The following C2orf49 variants were observed in gnomAD, a reference collection of about 807,000 sequenced individuals.
The protein encoded by C2orf49 is tRNA-splicing ligase complex subunit ASW.
In C2orf49, 11 loss-of-function variants were observed where a neutral mutation model predicts 20.6. The ratio of observed to expected loss-of-function variants is 0.53; its 90% CI spans 0.34 to 0.88. C2orf49 has a LOEUF of 0.88. C2orf49 is among the 40% of genes least tolerant of loss of function. The pLI, the probability that C2orf49 is intolerant of heterozygous loss-of-function variation, is 0.02. For synonymous variants in C2orf49, 134 were observed against 108.5 expected (o/e 1.24, Z -1.46); for missense variants, 289 against 274.2 (o/e 1.05, Z -0.38).
At chr2:105,365,646 C>A in the C2orf49 span, among the ~76,000 whole-genome samples, 1 of 150,490 alleles carries the variant, frequency 6.6e-6, no homozygotes, top group South Asian at 2.1e-4. Context: ...ACCAGTCTGG[C>A]CAACAAAGTG....
At chr2:105,368,334 G>T in the C2orf49 span, among the ~76,000 whole-genome samples, 1 of 151,610 alleles carries the variant, frequency 6.6e-6, no homozygotes, top group African/African-American at 2.4e-5. Flanking sequence ...CCTACATGTA[G>T]TTTTTTTTTG....
At position 105,339,687 on chromosome 2, in the gene C2orf49, T is replaced by C; in HGVS notation, c.204T>C (p.Asn68=). 1.2e-6 allele frequency: 2 copies of C among 1,608,088 alleles called. No homozygotes were observed. Among genetic ancestry groups the C allele is most frequent in the Non-Finnish European group, 8.5e-7 (1 of 1,178,854 alleles). Residue 68 remains asparagine, a synonymous_variant, in exon 2 of 4, where the codon AAT becomes AAC. Transcript: ENST00000258457. ...TGCCTCAGAGGGATTTGCCGAAGAA[T>C]AGATGGGGGAAAATGATGGAAAAGA... ...IPLPQRDLPK[N]RWGKMMEKKR...
the C2orf49 span, among the ~76,000 whole-genome samples, chr2:105,381,831 C>T: frequency 3.3e-5 from 5 of 152,070 alleles, no homozygotes; most frequent in Non-Finnish European, 7.4e-5. Flanking sequence ...AAAAAAGCAC[C>T]AGGTTGGCAG....
At chr2:105,366,002 C>G in the C2orf49 span, among the ~76,000 whole-genome samples, 1 of 151,756 alleles carries the variant, frequency 6.6e-6, no homozygotes, top group Non-Finnish European at 1.5e-5. Flanking sequence ...GTCAGGAGTT[C>G]CGAGATCAGC....
At chr2:105,371,721 T>A in the C2orf49 span, among the ~76,000 whole-genome samples, 1 of 152,184 alleles carries the variant, frequency 6.6e-6, no homozygotes, top group Non-Finnish European at 1.5e-5. Flanking sequence ...GTGCTAACAG[T>A]TAAAGTCTTT....
At chr2:105,377,394 G>T in the C2orf49 span, among the ~76,000 whole-genome samples, 2 of 152,190 alleles carry the variant, frequency 1.3e-5, no homozygotes, top group Non-Finnish European at 2.9e-5. Context: ...ACTTTGGGAG[G>T]CCGAGGCAGG....
At chr2:105,339,178 T>C (rs1216207106) in intron 1 of C2orf49, among the ~76,000 whole-genome samples, 1 of 152,266 alleles carries the variant, frequency 6.6e-6, no homozygotes, top group African/African-American at 2.4e-5. Context: ...CCCACTAATC[T>C]GATCATGATA....
At chr2:105,379,957 C>T in the C2orf49 span, among the ~76,000 whole-genome samples, 15 of 152,214 alleles carry the variant, frequency 9.9e-5, no homozygotes, top group Non-Finnish European at 1.8e-4. Context: ...AATTATGCCA[C>T]GGGGTTTCCC....
Position 105,348,842 on chromosome 2 carries a change from A to G in C2orf49, c.*3471A>G, listed in dbSNP as rs1226071373. ...TGATCTGTTTTTATTTGAGTGAACA[A>G]TTTTGGAAAGTATTCTTTATAGTAC... On this transcript the variant is annotated 3_prime_UTR_variant, in exon 4 of 4. Transcript: ENST00000258457. 2.6e-5 allele frequency: 4 copies of G among 152,180 alleles called. No individual in the cohort carries two copies. Among genetic ancestry groups the G allele is most frequent in the Admixed American group, 2.0e-4 (3 of 15,276 alleles). The allele number at this position is 152,180 out of a possible 1,614,324, so 9.4% of individuals were successfully genotyped here. A position where few individuals can be genotyped will look rare whatever the true frequency, so the allele number is the denominator to read the frequency against.
chr2:105,375,390 A>C, the C2orf49 span: 1 of 152,244 alleles, frequency 6.6e-6, no homozygotes, highest in Non-Finnish European at 1.5e-5. Flanking sequence ...GAATAGGATT[A>C]TTGCTGACGC....
At chr2:105,353,476 C>A (rs1679985092), downstream of C2orf49, among the ~76,000 whole-genome samples, 1 of 152,080 alleles carries the variant, frequency 6.6e-6, no homozygotes, top group Admixed American at 6.6e-5. Context: ...CTGGACATTT[C>A]CATCTCAGTG....
chr2:105,362,982 T>G, the C2orf49 span: 2 of 336,124 alleles, frequency 6.0e-6, no homozygotes, highest in Non-Finnish European at 1.1e-5. Flanking sequence ...TTTATTGTGC[T>G]TTTGTGATGT....
chr2:105,345,272 A>G (rs1372071771), intron 3 of C2orf49, 43 bp from the exon 4 acceptor site: 7 of 1,546,028 alleles, frequency 4.5e-6, no homozygotes, highest in Non-Finnish European at 6.2e-6. Flanking sequence ...TTGTTTTCTG[A>G]TATTTCTGCA....
At chr2:105,383,102 T>A in the C2orf49 span, among the ~76,000 whole-genome samples, 1,766 of 152,310 alleles carry the variant, frequency 0.012, 39 homozygotes, top group African/African-American at 0.041. Flanking sequence ...GCCAGGCTGG[T>A]CTCCAGCTCC....
intron 3 of C2orf49, among the ~76,000 whole-genome samples, chr2:105,344,532 T>C (rs530197248): frequency 6.6e-6 from 1 of 152,218 alleles, no homozygotes; most frequent in African/African-American, 2.4e-5. Flanking sequence ...GGCCCACATA[T>C]AAATCTTTTT....
At chr2:105,350,384 A>T (rs938697436), downstream of C2orf49, among the ~76,000 whole-genome samples, 5 of 152,268 alleles carry the variant, frequency 3.3e-5, no homozygotes, top group African/African-American at 1.2e-4. Flanking sequence ...GGCAGGAGCC[A>T]GATGATGTAT....
chr2:105,373,726 G>A, the C2orf49 span: 1 of 1,613,894 alleles, frequency 6.2e-7, no homozygotes, highest in Non-Finnish European at 8.5e-7. Context: ...GTCCTTGTAA[G>A]ACAAGTCCTG....
the C2orf49 span, among the ~76,000 whole-genome samples, chr2:105,380,717 C>G: frequency 9.9e-5 from 15 of 151,972 alleles, no homozygotes; most frequent in Admixed American, 9.2e-4. Context: ...GACAGACTTG[C>G]TCAAGAACTT....
At chr2:105,366,981 G>A in the C2orf49 span, among the ~76,000 whole-genome samples, 3 of 152,150 alleles carry the variant, frequency 2.0e-5, no homozygotes, top group Admixed American at 2.0e-4. Context: ...CCTGACCTAA[G>A]GTAATCCACC....
Sources: allele counts gnomAD v4.1 joint callset (sites outside exome capture counted in the v4.1 genomes callset), GRCh38; gene constraint gnomAD v4.1.1; transcripts MANE v1.5; gene names NCBI Gene and HGNC (gene_info 2026-07-23, HGNC 2026-07-21).